Variants in SBF2 observed in about 807,000 individuals in gnomAD.
The protein encoded by SBF2 is myotubularin-related protein 13.
A neutral mutation model predicts 225.2 loss-of-function variants in SBF2; 112 were observed. The observed-to-expected ratio is 0.50, with a 90% CI of 0.43 to 0.58. The LOEUF (loss-of-function observed/expected upper bound fraction) is 0.58. SBF2 is among the 20% of genes least tolerant of loss of function. SBF2 has a pLI of 0.00. For synonymous variants in SBF2, 763 were observed against 773.3 expected, an observed-to-expected ratio of 0.99 and a Z score of 0.22; for missense variants, 1,996 against 2,206.2, an observed-to-expected ratio of 0.90 and a Z score of 1.91.
chr11:10,279,316 G>A (rs762794749), intron 1 of SBF2, among the ~76,000 whole-genome samples: 4 of 151,482 alleles, frequency 2.6e-5, no homozygotes, highest in Non-Finnish European at 4.4e-5. Flanking sequence ...GGGAGACTGA[G>A]GCAGGAGAAT....
At chr11:10,183,367 G>T (rs543175740) in intron 2 of SBF2, among the ~76,000 whole-genome samples, 1 of 152,196 alleles carries the variant, frequency 6.6e-6, no homozygotes, top group African/African-American at 2.4e-5. Context: ...TAAAAAAAAT[G>T]GGGCTTATTG....
intron 17 of SBF2, among the ~76,000 whole-genome samples, chr11:9,870,846 C>T (rs112177612): frequency 0.011 from 1,652 of 151,844 alleles, 37 homozygotes; most frequent in African/African-American, 0.038. Context: ...TGGTGGCGCA[C>T]GCCTGTAGTC....
At position 9,789,102 on chromosome 11, in the gene SBF2, G is replaced by T; in HGVS notation, c.4932+7C>A. 1 of 1,613,178 alleles carries T rather than the reference G, an allele frequency of 6.2e-7. No homozygotes were observed. Among genetic ancestry groups the T allele is most frequent in the South Asian group, 1.1e-5 (1 of 91,036 alleles). On this transcript the variant is annotated splice_region_variant and intron_variant, in intron 35 of 39. Transcript: ENST00000256190. ...TGCCCCTAGGTGTGTGTCTACAGTT[G>T]ACTTACACTGAAAAGGCTGGTGAGA...
intron 1 of SBF2, among the ~76,000 whole-genome samples, chr11:10,238,532 G>A (rs1959167059): frequency 7.3e-6 from 1 of 136,420 alleles, no homozygotes; most frequent in Admixed American, 7.2e-5. Context: ...AATTCCACAA[G>A]AAGATTAACA....
chr11:9,991,697 A>T (rs1333682570), intron 12 of SBF2, among the ~76,000 whole-genome samples: 1 of 152,182 alleles, frequency 6.6e-6, no homozygotes, highest in African/African-American at 2.4e-5. Flanking sequence ...TAAATGCAAA[A>T]CAGCATCCTT....
intron 1 of SBF2, among the ~76,000 whole-genome samples, chr11:10,232,779 C>T (rs771872810): frequency 7.2e-5 from 11 of 152,144 alleles, no homozygotes; most frequent in Non-Finnish European, 1.6e-4. Context: ...AGAAAAGATG[C>T]TTTCATTTGG....
chr11:9,969,622 A>C (rs1453674791), intron 13 of SBF2, among the ~76,000 whole-genome samples: 4 of 152,268 alleles, frequency 2.6e-5, no homozygotes, highest in Non-Finnish European at 4.4e-5. Flanking sequence ...GAATCTGTAC[A>C]GCATCCTCCT....
At chr11:9,923,628 C>T (rs573745797) in intron 16 of SBF2, among the ~76,000 whole-genome samples, 1 of 152,222 alleles carries the variant, frequency 6.6e-6, no homozygotes, top group African/African-American at 2.4e-5. Flanking sequence ...GGTTGTAGAT[C>T]TTCACCATTT....
intron 3 of SBF2, among the ~76,000 whole-genome samples, chr11:10,041,073 A>G (rs1949634828): frequency 6.6e-6 from 1 of 152,122 alleles, no homozygotes; most frequent in Non-Finnish European, 1.5e-5. Flanking sequence ...AAATAATTAT[A>G]GTTAGTTTCA....
intron 2 of SBF2, among the ~76,000 whole-genome samples, chr11:10,138,415 A>G (rs1299091654): frequency 6.6e-6 from 1 of 152,076 alleles, no homozygotes; most frequent in Non-Finnish European, 1.5e-5. Flanking sequence ...CAAAGAGCCA[A>G]CTGTGTGTTT....
At chr11:9,939,945 T>G (rs1236803053) in intron 16 of SBF2, among the ~76,000 whole-genome samples, 1 of 152,180 alleles carries the variant, frequency 6.6e-6, no homozygotes, top group Non-Finnish European at 1.5e-5. Context: ...TATTTTTAAT[T>G]TTCAGGGGAA....
Position 10,196,866 on chromosome 11 carries a change from A to ATATATATTT in SBF2, c.56-2880_56-2879insAAATATATA. Among the ~76,000 whole-genome samples the ATATATATTT allele has an allele frequency of 2.3e-3, 226 of 99,280 alleles. 1 individual carries two copies. The highest frequency in any genetic ancestry group is 8.1e-3 in the African/African-American group (200 of 24,772). The allele number at this position is 99,280 out of a possible 152,430, so 65.1% of individuals were successfully genotyped here. A position where few individuals can be genotyped will look rare whatever the true frequency, so the allele number is the denominator to read the frequency against. ...TATATATATATATATATATATATAT[A>ATATATATTT]TTTTTTTTTTCCTACAAAATGAATA... On this transcript the variant is annotated intron_variant, in intron 1 of 39. Transcript: ENST00000256190.
At chr11:10,298,430 G>A (rs564876242), upstream of SBF2, among the ~76,000 whole-genome samples, 22 of 152,190 alleles carry the variant, frequency 1.4e-4, no homozygotes, top group Non-Finnish European at 2.9e-4. Context: ...AGACAAAATA[G>A]AGCTAATTAT....
chr11:9,855,035 G>A (rs1195138559), intron 19 of SBF2, among the ~76,000 whole-genome samples: 2 of 152,304 alleles, frequency 1.3e-5, no homozygotes, highest in South Asian at 2.1e-4. Context: ...TTGAAACAGA[G>A]TCTTGTGGAA....
In SBF2 at chr11:9,919,019, G is replaced by A. The variant is rs372601821; in HGVS notation, c.1861-23008C>T. Among the ~76,000 whole-genome samples, 10 of 152,072 alleles carry A rather than the reference G, an allele frequency of 6.6e-5. No homozygotes were observed. In the East Asian group the frequency reaches 7.7e-4, roughly 12 times the overall value. ...GGCCTCCCAAAGTGCTGGGATTACA[G>A]GTGTGAGCCACTGCATCTGGCTTTT... On this transcript the variant is annotated intron_variant, in intron 16 of 39. Transcript: ENST00000256190.
At chr11:9,789,040 C>T (rs541492821) in intron 35 of SBF2, 69 bp downstream of exon 35, 2 of 1,318,742 alleles carry the variant, frequency 1.5e-6, no homozygotes, top group Non-Finnish European at 2.2e-6. Context: ...AGTTACTTAG[C>T]CTGGTTCCTT....
intron 16 of SBF2, among the ~76,000 whole-genome samples, chr11:9,916,177 T>A (rs10500714): frequency 0.061 from 9,350 of 152,262 alleles, 483 homozygotes; most frequent in East Asian, 0.28. Context: ...AATACTTATA[T>A]AATCAACTAT....
intron 16 of SBF2, among the ~76,000 whole-genome samples, chr11:9,937,778 A>C (rs563950409): frequency 3.9e-5 from 6 of 152,174 alleles, no homozygotes; most frequent in Non-Finnish European, 7.4e-5. Flanking sequence ...TAGGTATTAA[A>C]TAAGTATGTA....
chr11:9,859,094 G>A (rs1857526464), intron 17 of SBF2, among the ~76,000 whole-genome samples: 1 of 152,162 alleles, frequency 6.6e-6, no homozygotes, highest in African/African-American at 2.4e-5. Flanking sequence ...CTTAAGAGGT[G>A]ATTAACAACA....
Sources: gnomAD v4.1 joint callset for allele counts (sites outside exome capture counted in the v4.1 genomes callset) on GRCh38, gnomAD v4.1.1 for gene constraint, MANE v1.5 for transcripts, NCBI Gene and HGNC (gene_info 2026-07-23, HGNC 2026-07-21) for gene names.